Variants in EYS observed in about 807,000 individuals in gnomAD.
The protein encoded by EYS is EGF-like photoreceptor maintenance factor, also known as protein eyes shut homolog.
A neutral mutation model predicts 282.1 loss-of-function variants in EYS; 250 were observed. That is an observed-to-expected ratio of 0.89 (90% CI 0.80 to 0.98). The LOEUF (loss-of-function observed/expected upper bound fraction) is 0.98. EYS is among the 50% of genes least tolerant of loss of function. The pLI, the probability that EYS is intolerant of heterozygous loss-of-function variation, is 0.00. For missense variants in EYS, 4,016 were observed against 3,709.0 expected, an observed-to-expected ratio of 1.08 and a Z score of -2.15; for synonymous variants, 1,355 against 1,282.9, an observed-to-expected ratio of 1.06 and a Z score of -1.20.
At chr6:63,847,695 TCTCTAC>T (rs1772135572) in intron 36 of EYS, among the ~76,000 whole-genome samples, 1 of 152,210 alleles carries the variant, frequency 6.6e-6, no homozygotes, top group Admixed American at 6.5e-5. Context: ...TCAATGAAGC[TCTCTAC>T]TTTGGAATTT....
At chr6:63,781,783 T>A (rs556080056) in intron 39 of EYS, among the ~76,000 whole-genome samples, 1 of 152,272 alleles carries the variant, frequency 6.6e-6, no homozygotes, top group East Asian at 1.9e-4. Context: ...CTTCCAACAG[T>A]ATGTTGAATG....
intron 22 of EYS, among the ~76,000 whole-genome samples, chr6:64,706,179 C>T (rs1771006967): frequency 6.6e-6 from 1 of 151,900 alleles, no homozygotes; most frequent in Admixed American, 6.6e-5. Flanking sequence ...TACTTACAGC[C>T]AACTAATCTT....
At chr6:64,765,841 T>C (rs1773311143) in intron 22 of EYS, among the ~76,000 whole-genome samples, 11 of 152,078 alleles carry the variant, frequency 7.2e-5, no homozygotes, top group Admixed American at 7.2e-4. Flanking sequence ...CCTCCAATAC[T>C]AAGGATACAA....
At chr6:64,051,065 A>G (rs1428735282) in intron 33 of EYS, among the ~76,000 whole-genome samples, 1 of 152,136 alleles carries the variant, frequency 6.6e-6, no homozygotes. Context: ...GAATGTAGGG[A>G]ATAGTTAGGA....
chr6:65,251,939 G>T (rs1436489314), intron 12 of EYS, among the ~76,000 whole-genome samples: 1 of 151,888 alleles, frequency 6.6e-6, no homozygotes, highest in African/African-American at 2.4e-5. Flanking sequence ...ATTCCGTCAT[G>T]CTGGTGGTGA....
chr6:65,515,536 CAATCCA>C (rs1366722985), intron 2 of EYS, among the ~76,000 whole-genome samples: 2 of 151,716 alleles, frequency 1.3e-5, no homozygotes, highest in African/African-American at 2.4e-5. Context: ...GACTTGGAAC[CAATCCA>C]AATGTCCAAC....
Position 65,635,427 on chromosome 6 carries a change from G to A in EYS, c.-333+4351C>T, listed in dbSNP as rs560465373. On this transcript the variant is annotated intron_variant, in intron 2 of 42. Coordinates refer to ENST00000503581, the MANE Select transcript of EYS (RefSeq NM_001142800.2). ...TCTTGCCTTTCCCTTCAACATTCCT[G>A]AGCTTAGGCTAAGCTAACTTTGAGA... is the stretch of plus-strand genomic sequence containing the variant. 9.4e-3 allele frequency among the ~76,000 whole-genome samples: 1,436 copies of A among 152,192 alleles called. 8 individuals are homozygous for A. The highest frequency in any genetic ancestry group is 0.014 in the Non-Finnish European group (967 of 67,994).
At chr6:65,099,120 A>G (rs2150182353) in intron 12 of EYS, among the ~76,000 whole-genome samples, 1 of 150,766 alleles carries the variant, frequency 6.6e-6, no homozygotes, top group Admixed American at 6.6e-5. Flanking sequence ...ACACACACCT[A>G]TCTGTAGTTA....
intron 22 of EYS, among the ~76,000 whole-genome samples, chr6:64,662,466 A>T (rs1170668973): frequency 6.6e-6 from 1 of 152,192 alleles, no homozygotes; most frequent in Non-Finnish European, 1.5e-5. Context: ...CTTTCTGTTC[A>T]GAAGAGAAAA....
chr6:64,541,055 A>G (rs1299904809), intron 26 of EYS, among the ~76,000 whole-genome samples: 1 of 152,164 alleles, frequency 6.6e-6, no homozygotes, highest in Non-Finnish European at 1.5e-5. Context: ...CATTCATTGG[A>G]ATAATCCTGA....
At chr6:65,617,270 C>T (rs1766235934) in intron 2 of EYS, among the ~76,000 whole-genome samples, 1 of 152,082 alleles carries the variant, frequency 6.6e-6, no homozygotes, top group South Asian at 2.1e-4. Flanking sequence ...TAACAAGAGC[C>T]TGTGAACGAA....
chr6:64,062,068 C>T (rs187577155), intron 33 of EYS, among the ~76,000 whole-genome samples: 1 of 151,928 alleles, frequency 6.6e-6, no homozygotes, highest in Non-Finnish European at 1.5e-5. Context: ...GAAAAAGGAA[C>T]CTAACTCACA....
At chr6:65,310,141 C>A (rs7742262) in intron 11 of EYS, among the ~76,000 whole-genome samples, 7,385 of 152,090 alleles carry the variant, frequency 0.049, 319 homozygotes, top group African/African-American at 0.12. Flanking sequence ...GTCAGGAGTT[C>A]GAGACCAGGC....
intron 12 of EYS, among the ~76,000 whole-genome samples, chr6:65,111,328 T>C (rs1195693965): frequency 6.6e-6 from 1 of 152,186 alleles, no homozygotes; most frequent in Non-Finnish European, 1.5e-5. Context: ...TCCTTAATTC[T>C]TTAAGTGTTT....
At chr6:65,124,468 A>C (rs1357897835) in intron 12 of EYS, among the ~76,000 whole-genome samples, 1 of 152,168 alleles carries the variant, frequency 6.6e-6, no homozygotes, top group Non-Finnish European at 1.5e-5. Context: ...ATAAAATATA[A>C]TTTGTCAGAA....
intron 5 of EYS, among the ~76,000 whole-genome samples, chr6:65,472,608 T>C (rs75417691): frequency 9.1e-4 from 138 of 152,036 alleles, no homozygotes; most frequent in Non-Finnish European, 1.8e-3. Context: ...TAAACAGAAA[T>C]ATAAAGTGTC....
intron 22 of EYS, among the ~76,000 whole-genome samples, chr6:64,794,315 T>A (rs9342428): frequency 6.6e-6 from 1 of 151,940 alleles, no homozygotes; most frequent in Non-Finnish European, 1.5e-5. Flanking sequence ...TGGCTCTATG[T>A]CCTCACTAAA....
chr6:64,470,107 T>C (rs932920781), intron 26 of EYS, among the ~76,000 whole-genome samples: 1 of 151,986 alleles, frequency 6.6e-6, no homozygotes, highest in Non-Finnish European at 1.5e-5. Flanking sequence ...CCAATAAATA[T>C]CAGCGCAGCC....
At chr6:64,350,263 A>G (rs1771575824) in intron 29 of EYS, among the ~76,000 whole-genome samples, 1 of 151,574 alleles carries the variant, frequency 6.6e-6, no homozygotes, top group African/African-American at 2.4e-5. Flanking sequence ...TATGTTTTAG[A>G]ATATTTTAGA....
Sources: gnomAD v4.1 joint callset for allele counts (sites outside exome capture counted in the v4.1 genomes callset) on GRCh38, gnomAD v4.1.1 for gene constraint, MANE v1.5 for transcripts, NCBI Gene and HGNC (gene_info 2026-07-23, HGNC 2026-07-21) for gene names.